PNMA6E: variants seen among roughly 807,000 people sequenced by gnomAD.
PNMA6E encodes the protein paraneoplastic antigen Ma6E.
For missense variants in PNMA6E, 78 were observed against 50.8 expected (o/e 1.53, Z -1.63); for synonymous variants, 43 against 17.1 (o/e 2.52, Z -3.74).
chrX:153,404,965 G>GT (rs1236561233), upstream of PNMA6E, among the ~76,000 whole-genome samples: 3 of 112,680 alleles, frequency 2.7e-5, no homozygotes, highest in Non-Finnish European at 5.6e-5. Context: ...CCATCAGAAG[G>GT]TTTTGTTGTT....
In PNMA6E at chrX:153,398,974, C is replaced by T. The variant is rs1602874177; in HGVS notation, c.-71-54G>A. The T allele has an allele frequency of 1.0e-5, 3 of 294,185 alleles. No homozygotes were observed. In the South Asian group the frequency reaches 7.1e-4, roughly 69 times the overall value. 24.2% of individuals were successfully genotyped at this position (294,185 alleles called of 1,213,427 possible). On this transcript the variant is annotated intron_variant, in intron 1 of 1. Coordinates refer to ENST00000445091, the MANE Select transcript of PNMA6E (RefSeq NM_001367770.1). ...GTGCCAAACACTCACTCCCACCACT[C>T]ATCTGCCCCTACGTGTGTGGGGGTG...
At chrX:153,409,925 G>A in the PNMA6E span, among the ~76,000 whole-genome samples, 1 of 112,318 alleles carries the variant, frequency 8.9e-6, no homozygotes, top group South Asian at 3.7e-4. Flanking sequence ...AGGTCCCCCC[G>A]CCCCCTGCCT....
rs190284259 is a variant in PNMA6E, at chrX:153,397,094, T to C, written c.1756A>G (p.Met586Val). ...EVPWGSSPAR[M>V]SSAVWVFPRG... ...GGGAACACCCAGACAGCACTGCTCA[T>C]CCGGGCTGGGGAGGAGCCCCAGGGG... Residue 586 changes from methionine (M) to valine (V), a missense_variant, in exon 2 of 2, where the codon ATG becomes GTG. By Grantham distance (21) the Met-to-Val change is conservative. Transcript: ENST00000445091. The C allele has an allele frequency of 4.9e-4, 144 of 296,872 alleles. 1 individual carries two copies. Among genetic ancestry groups the C allele is most frequent in the African/African-American group, 3.5e-3 (130 of 36,785 alleles). The allele number at this position is 296,872 out of a possible 1,213,427, so 24.5% of individuals were successfully genotyped here.
At chrX:153,405,354 C>T (rs2088872331), upstream of PNMA6E, among the ~76,000 whole-genome samples, 1 of 112,132 alleles carries the variant, frequency 8.9e-6, no homozygotes. Context: ...TGATACTCCC[C>T]TTTCAAGAGG....
the PNMA6E span, among the ~76,000 whole-genome samples, chrX:153,413,023 G>C: frequency 1.8e-5 from 2 of 111,243 alleles, no homozygotes; most frequent in Non-Finnish European, 3.8e-5. Context: ...CCTTGGCTCT[G>C]GGTTTCTCCA....
In PNMA6E at chrX:153,397,152, G is replaced by A. The variant is rs181450068; in HGVS notation, c.1698C>T (p.Pro566=). ...AGEGESAPAG[P]EGLGQARPIE... Reference sequence around the variant, plus strand: ...TGGGCCTTGCCTGACCTAGGCCTTCGGGGCCTGCAGGGGCACTTTCACCTT... The same window carrying A: ...TGGGCCTTGCCTGACCTAGGCCTTCAGGGCCTGCAGGGGCACTTTCACCTT... Residue 566 remains proline (P), a synonymous_variant, in exon 2 of 2, where the codon CCC becomes CCT. Transcript: ENST00000445091. The A allele has an allele frequency of 1.4e-3, 408 of 296,844 alleles. 2 individuals are homozygous for A. The highest frequency in any genetic ancestry group is 6.2e-3 in the Middle Eastern group (7 of 1,136). 24.5% of individuals were successfully genotyped at this position (296,844 alleles called of 1,213,427 possible). A position where few individuals can be genotyped will look rare whatever the true frequency, so the allele number is the denominator to read the frequency against.
intron 1 of PNMA6E, among the ~76,000 whole-genome samples, chrX:153,400,537 C>T (rs1395634424): frequency 1.3e-4 from 15 of 112,041 alleles, no homozygotes; most frequent in Non-Finnish European, 2.3e-4. Flanking sequence ...TCTGTGGCCT[C>T]CCCACAGCCA....
chrX:153,410,076 C>T, the PNMA6E span, among the ~76,000 whole-genome samples: 3 of 111,570 alleles, frequency 2.7e-5, no homozygotes, highest in African/African-American at 3.3e-5. Context: ...AGTCCAGAAT[C>T]GGGCGCTTCC....
chrX:153,398,184 ACCTCCTGCCTCACCTGCG>A lies in PNMA6E; in HGVS notation c.648_665del (p.Ala217_Gly222del), dbSNP rs1415250949. ...CACCTGCTGCTCCTGCCTCACCTAC[ACCTCCTGCCTCACCTGCG>A]CCTCCTGCCTCACCTGCTGCTCCTG... On this transcript the variant is annotated inframe_deletion, in exon 2 of 2. Transcript: ENST00000445091. The A allele has an allele frequency of 5.3e-5, 14 of 261,827 alleles. No homozygotes were observed. The highest frequency in any genetic ancestry group is 8.7e-5 in the Non-Finnish European group (14 of 160,741). The allele number at this position is 261,827 out of a possible 1,213,427, so 21.6% of individuals were successfully genotyped here.
At chrX:153,410,681 C>G in the PNMA6E span, among the ~76,000 whole-genome samples, 1 of 112,983 alleles carries the variant, frequency 8.9e-6, no homozygotes, top group African/African-American at 3.2e-5. Flanking sequence ...CCCAGGGTCT[C>G]TGAAGAAAAG....
chrX:153,412,448 C>T, the PNMA6E span, among the ~76,000 whole-genome samples: 52 of 112,420 alleles, frequency 4.6e-4, no homozygotes, highest in East Asian at 0.014. Context: ...AGTGGCTGAG[C>T]GCAGACAATA....
At chrX:153,399,865 T>C (rs2088837076) in intron 1 of PNMA6E, among the ~76,000 whole-genome samples, 1 of 112,101 alleles carries the variant, frequency 8.9e-6, no homozygotes, top group African/African-American at 3.3e-5. Flanking sequence ...AAGCAAGAAA[T>C]TTTCCTCTGA....
chrX:153,398,086 T>G lies in PNMA6E; in HGVS notation c.764A>C (p.Glu255Ala). ...TCCTGCCTCACCTGCTGCTCCTGCC[T>G]CACCTGCTGCTCTTCCCTCACCTGC... is the stretch of plus-strand genomic sequence containing the variant. ...GGAGEGRAAG[E>A]AGAAGEAGAV... Residue 255 changes from glutamate (E) to alanine (A), a missense_variant, in exon 2 of 2, where the codon GAG becomes GCG. Glu to Ala is a moderately radical substitution (Grantham distance 107). Coordinates refer to ENST00000445091, the MANE Select transcript of PNMA6E (RefSeq NM_001367770.1). 2.2e-6 allele frequency: 1 copy of G among 445,350 alleles called. No individual in the cohort carries two copies. Among genetic ancestry groups the G allele is most frequent in the East Asian group, 3.9e-5 (1 of 25,804 alleles). 36.7% of individuals were successfully genotyped at this position (445,350 alleles called of 1,213,427 possible).
chrX:153,405,619 C>G (rs1312125660), upstream of PNMA6E, among the ~76,000 whole-genome samples: 1 of 103,416 alleles, frequency 9.7e-6, no homozygotes, highest in Non-Finnish European at 2.0e-5. Flanking sequence ...CTCTCACTCT[C>G]TCTCTCTCCC....
rs183402955 is a variant in PNMA6E at position 153,400,934 on chromosome X, C to T, written c.-72+310G>A. 4.2e-3 allele frequency among the ~76,000 whole-genome samples: 451 copies of T among 108,554 alleles called. 10 individuals are homozygous for T. Among genetic ancestry groups the T allele is most frequent in the Admixed American group, 0.04 (414 of 10,401 alleles). The allele number at this position is 108,554 out of a possible 115,157, so 94.3% of individuals were successfully genotyped here. A position where few individuals can be genotyped will look rare whatever the true frequency, so the allele number is the denominator to read the frequency against. ...TGCCTCTTCTACCCCGCGTGCTTGG[C>T]GACCCTCTCCGCCCAGGGACCCAGG... is the stretch of plus-strand genomic sequence containing the variant. On this transcript the variant is annotated intron_variant, in intron 1 of 1. Coordinates refer to ENST00000445091, the MANE Select transcript of PNMA6E (RefSeq NM_001367770.1).
the PNMA6E span, among the ~76,000 whole-genome samples, chrX:153,410,624 G>A: frequency 1.2e-4 from 14 of 112,684 alleles, no homozygotes; most frequent in South Asian, 3.7e-4. Context: ...TGGGAGCGCA[G>A]GCTTGCCGAG....
the PNMA6E span, among the ~76,000 whole-genome samples, chrX:153,406,483 A>G: frequency 8.9e-6 from 1 of 112,736 alleles, no homozygotes; most frequent in Non-Finnish European, 1.9e-5. Context: ...AGAGAATTGC[A>G]TGTGCAAAGG....
At chrX:153,410,644 C>T in the PNMA6E span, among the ~76,000 whole-genome samples, 1 of 112,901 alleles carries the variant, frequency 8.9e-6, no homozygotes, top group East Asian at 2.8e-4. Context: ...GGGCTCCTTG[C>T]TGCGGGCTAA....
chrX:153,397,083 A>G lies in PNMA6E; in HGVS notation c.1767T>C (p.Ala589=), dbSNP rs1422240447. Residue 589 remains alanine, a synonymous_variant, in exon 2 of 2, where the codon GCT becomes GCC. Transcript: ENST00000445091. ...TAAGACCTCTTGGGAACACCCAGAC[A>G]GCACTGCTCATCCGGGCTGGGGAGG... ...WGSSPARMSS[A]VWVFPRGLSW... 1.0e-5 allele frequency: 3 copies of G among 296,850 alleles called. No individual in the cohort carries two copies. The highest frequency in any genetic ancestry group is 1.8e-5 in the Non-Finnish European group (3 of 170,164). The allele number at this position is 296,850 out of a possible 1,213,427, so 24.5% of individuals were successfully genotyped here.
Sources: gnomAD v4.1 joint callset for allele counts (sites outside exome capture counted in the v4.1 genomes callset) on GRCh38, gnomAD v4.1.1 for gene constraint, MANE v1.5 for transcripts, NCBI Gene and HGNC (gene_info 2026-07-23, HGNC 2026-07-21) for gene names.